Variants in DOK7 observed in about 807,000 individuals in gnomAD.
The protein encoded by DOK7 is protein Dok-7.
DOK7 carries 32 observed loss-of-function variants against 30.7 expected under a neutral mutation model. That is an observed-to-expected ratio of 1.04 (90% confidence interval 0.79 to 1.40). DOK7 has a LOEUF of 1.40. DOK7 is among the 40% of genes most tolerant of loss of function. The pLI is 0.00. For missense variants in DOK7, 1,007 were observed against 699.2 expected, an observed-to-expected ratio of 1.44 and a Z score of -4.97; for synonymous variants, 447 against 324.1, an observed-to-expected ratio of 1.38 and a Z score of -4.07.
At chr4:3,483,048 T>G (rs1472365367) in intron 4 of DOK7, among the ~76,000 whole-genome samples, 1 of 150,160 alleles carries the variant, frequency 6.7e-6, no homozygotes, top group Non-Finnish European at 1.5e-5. Flanking sequence ...GTCTGGGGTG[T>G]TCTAGGTGGC....
At chr4:3,484,401 T>TC (rs1281181168) in intron 4 of DOK7, 2 of 713,008 alleles carry the variant, frequency 2.8e-6, no homozygotes, top group Non-Finnish European at 3.4e-6. Flanking sequence ...AGATTTCCCT[T>TC]CCCCCCAACT....
chr4:3,489,556 C>A, intron 5 of DOK7, 121 bp from the exon 6 acceptor site: 4 of 1,486,196 alleles, frequency 2.7e-6, no homozygotes, highest in Non-Finnish European at 3.6e-6. Context: ...GGAGCGGGGA[C>A]TCCCAGGGGA....
At chr4:3,499,044 G>A (rs1355847212), downstream of DOK7, among the ~76,000 whole-genome samples, 1 of 152,236 alleles carries the variant, frequency 6.6e-6, no homozygotes. Context: ...TGCAGGGAGT[G>A]ACGGGGACAA....
chr4:3,463,631 G>T, intron 2 of DOK7, 80 bp downstream of exon 2: 1 of 1,483,572 alleles, frequency 6.7e-7, no homozygotes, highest in Non-Finnish European at 9.1e-7. Context: ...ATGCCAGCTT[G>T]CCCAAAATCG....
intron 4 of DOK7, among the ~76,000 whole-genome samples, chr4:3,482,492 G>C (rs1247836880): frequency 1.3e-5 from 2 of 152,248 alleles, no homozygotes; most frequent in Admixed American, 6.5e-5. Context: ...TGACGGTCTT[G>C]GGGCAGGGCT....
chr4:3,478,338 A>G (rs890442221), intron 4 of DOK7, among the ~76,000 whole-genome samples: 144 of 152,256 alleles, frequency 9.5e-4, no homozygotes, highest in African/African-American at 3.4e-3. Flanking sequence ...CTGGTAAACA[A>G]TCCCACACCT....
chr4:3,484,465 G>C (rs1727631029), intron 4 of DOK7: 4 of 983,318 alleles, frequency 4.1e-6, no homozygotes, highest in South Asian at 4.7e-5. Context: ...GCAATGGGCA[G>C]AGGCCCCGGA....
At chr4:3,499,230 C>T (rs946639727), downstream of DOK7, among the ~76,000 whole-genome samples, 1 of 152,176 alleles carries the variant, frequency 6.6e-6, no homozygotes, top group South Asian at 2.1e-4. Context: ...AGGGCTGTCA[C>T]CCGCTGGATC....
chr4:3,473,537 C>T lies in DOK7; in HGVS notation c.232C>T (p.Leu78=), dbSNP rs1726895554. Residue 78 remains leucine (L), a synonymous_variant, in exon 3 of 7, where the codon CTG becomes TTG. Transcript: ENST00000340083. The part of the protein sequence containing the change: ...GLPYEGLVHT[L]AIVCLSQAIM... ...GCCCTACGAGGGCCTGGTCCACACG[C>T]TGGCCATTGTCTGCCTGTCCCAGGC... The T allele has an allele frequency of 1.9e-6, 3 of 1,610,888 alleles. No homozygotes were observed. The highest frequency in any genetic ancestry group is 2.5e-6 in the Non-Finnish European group (3 of 1,179,648).
At position 3,493,225 on chromosome 4, in the gene DOK7, G is replaced by A; in HGVS notation, c.1239G>A (p.Leu413=). Residue 413 remains leucine, a synonymous_variant, in exon 7 of 7, where the codon CTG becomes CTA. Transcript: ENST00000340083. ...ATGACACACCACGCAGCCTTTGCCT[G>A]GCTCCTAGAGACCACAGCCCCCCCT... is the stretch of plus-strand genomic sequence containing the variant. The part of the protein sequence containing the change: ...AHYDTPRSLC[L]APRDHSPPSQ... The A allele has an allele frequency of 1.2e-6, 2 of 1,612,032 alleles. No homozygotes were observed. The highest frequency in any genetic ancestry group is 1.1e-5 in the South Asian group (1 of 91,004).
chr4:3,496,665 G>C (rs370803693), downstream of DOK7, among the ~76,000 whole-genome samples: 1 of 151,986 alleles, frequency 6.6e-6, no homozygotes, highest in African/African-American at 2.4e-5. Context: ...TGGAGAGAAG[G>C]CATCAGGTAT....
intron 2 of DOK7, among the ~76,000 whole-genome samples, chr4:3,471,186 G>A (rs1335290879): frequency 6.6e-6 from 1 of 152,250 alleles, no homozygotes; most frequent in African/African-American, 2.4e-5. Context: ...GCAGACAGAT[G>A]TGTACCTGAA....
At position 3,493,408 on chromosome 4, in the gene DOK7, C is replaced by T. The variant is rs777663941; in HGVS notation, c.1422C>T (p.Pro474=). 1 of 1,598,112 alleles carries T rather than the reference C, an allele frequency of 6.3e-7. No homozygotes were observed. The highest frequency in any genetic ancestry group is 8.5e-7 in the Non-Finnish European group (1 of 1,172,702). ...ATLPGPAPGE[P]WEAGGPHAGP... Reference sequence around the variant, plus strand: ...TGCCTGGCCCTGCCCCTGGCGAGCCCTGGGAAGCAGGCGGCCCCCACGCGG... The same window carrying T: ...TGCCTGGCCCTGCCCCTGGCGAGCCTTGGGAAGCAGGCGGCCCCCACGCGG... The change falls in exon 7 of 7, where the codon CCC becomes CCT. Residue 474 remains proline, a synonymous_variant. Coordinates refer to ENST00000340083, the MANE Select transcript of DOK7 (RefSeq NM_173660.5).
At chr4:3,472,168 G>A (rs1323527327) in intron 2 of DOK7, among the ~76,000 whole-genome samples, 8 of 152,262 alleles carry the variant, frequency 5.3e-5, no homozygotes, top group Non-Finnish European at 8.8e-5. Context: ...CATGTGGCCC[G>A]GGGAGGTGGG....
At chr4:3,466,772 G>A (rs1456443361) in intron 2 of DOK7, among the ~76,000 whole-genome samples, 3 of 152,218 alleles carry the variant, frequency 2.0e-5, no homozygotes, top group Non-Finnish European at 4.4e-5. Context: ...GTGGGCGCGA[G>A]GGCCTGGCCC....
chr4:3,487,045 G>A (rs888696113), intron 5 of DOK7, among the ~76,000 whole-genome samples: 2 of 152,058 alleles, frequency 1.3e-5, no homozygotes, highest in Non-Finnish European at 2.9e-5. Flanking sequence ...AGCCCCAGGC[G>A]GGGCCATTGC....
downstream of DOK7, among the ~76,000 whole-genome samples, chr4:3,495,931 G>A (rs28575221): frequency 4.0e-3 from 609 of 152,322 alleles, 4 homozygotes; most frequent in Non-Finnish European, 7.0e-3. Context: ...GAGGGTCCCA[G>A]CCCTGTGACT....
At chr4:3,496,755 GC>G (rs937665114), downstream of DOK7, 33 of 1,511,372 alleles carry the variant, frequency 2.2e-5, no homozygotes, top group South Asian at 4.8e-5. Flanking sequence ...GTTCTCGGTG[GC>G]CCCCCGGGCA....
At chr4:3,468,767 T>TGC (rs1726524232) in intron 2 of DOK7, among the ~76,000 whole-genome samples, 5 of 145,594 alleles carry the variant, frequency 3.4e-5, no homozygotes, top group Non-Finnish European at 5.9e-5. Context: ...CGTGTGTGTG[T>TGC]GCATGTATGT....
Sources: allele counts gnomAD v4.1 joint callset (sites outside exome capture counted in the v4.1 genomes callset), GRCh38; gene constraint gnomAD v4.1.1; transcripts MANE v1.5; gene names NCBI Gene and HGNC (gene_info 2026-07-23, HGNC 2026-07-21).